LEPR: variants seen among roughly 807,000 people sequenced by gnomAD.
LEPR encodes the protein leptin receptor, also known as OB receptor.
In LEPR, 56 loss-of-function variants were observed where a neutral mutation model predicts 114.7. The ratio of observed to expected loss-of-function variants is 0.49; its 90% CI spans 0.39 to 0.61. The LOEUF is 0.61. LEPR is among the 20% of genes least tolerant of loss of function. The pLI is 0.00. For synonymous variants in LEPR, 443 were observed against 461.4 expected, an observed-to-expected ratio of 0.96 and a Z score of 0.51; for missense variants, 1,202 against 1,352.9, an observed-to-expected ratio of 0.89 and a Z score of 1.75.
intron 3 of LEPR, among the ~76,000 whole-genome samples, chr1:65,568,307 A>G (rs1459429123): frequency 2.0e-5 from 3 of 151,864 alleles, no homozygotes; most frequent in Non-Finnish European, 4.4e-5. Flanking sequence ...TTACATGGAT[A>G]TGTTGCGTAG....
intron 2 of LEPR, chr1:65,525,753 G>T (rs1280062978): frequency 6.1e-6 from 6 of 986,084 alleles, no homozygotes; most frequent in Non-Finnish European, 7.2e-6. Flanking sequence ...CGCGCGCGAC[G>T]CAGGTGCCCG....
chr1:65,572,264 G>C, intron 4 of LEPR, 62 bp from the exon 5 acceptor site: 1 of 1,433,680 alleles, frequency 7.0e-7, no homozygotes, highest in Non-Finnish European at 9.1e-7. Flanking sequence ...GAGTTGTTCA[G>C]ATGGTTTTTG....
chr1:65,556,126 C>G (rs956149426), intron 2 of LEPR, among the ~76,000 whole-genome samples: 6 of 152,084 alleles, frequency 3.9e-5, no homozygotes. Context: ...GAGGCTGCAG[C>G]GGAGCTTGTT....
intron 5 of LEPR, among the ~76,000 whole-genome samples, chr1:65,579,994 A>G (rs539478077): frequency 2.6e-4 from 39 of 152,294 alleles, no homozygotes; most frequent in African/African-American, 9.4e-4. Flanking sequence ...TTACAAGATG[A>G]TTTTTAATTT....
chr1:65,420,849 C>T, intron 1 of LEPR, 109 bp downstream of exon 1: 1 of 1,322,160 alleles, frequency 7.6e-7, no homozygotes, highest in South Asian at 1.3e-5. Flanking sequence ...GCCTCACCAC[C>T]CTTCCCGCCT....
intron 1 of LEPR, among the ~76,000 whole-genome samples, chr1:65,423,970 T>A (rs1646306029): frequency 1.3e-5 from 2 of 152,238 alleles, no homozygotes; most frequent in Non-Finnish European, 2.9e-5. Context: ...TCTCATTTAA[T>A]TCCCATAAGC....
In LEPR at chr1:65,581,361, T is replaced by C. The variant is rs189389815; in HGVS notation, c.494+8912T>C. Among the ~76,000 whole-genome samples the C allele has an allele frequency of 7.2e-5, 11 of 152,240 alleles. No homozygotes were observed. In the East Asian group the frequency reaches 2.1e-3, roughly 29 times the overall value. ...CCAGGTTCTGGCCTGAGTAACCCTC[T>C]CTTCTTCATGAAAAGCAGCCCATAT... On this transcript the variant is annotated intron_variant, in intron 5 of 19. Coordinates refer to ENST00000349533, the MANE Select transcript of LEPR (RefSeq NM_002303.6).
At chr1:65,508,469 T>C (rs1294629814) in intron 2 of LEPR, among the ~76,000 whole-genome samples, 1 of 152,190 alleles carries the variant, frequency 6.6e-6, no homozygotes, top group East Asian at 1.9e-4. Context: ...GTGTGCTTGG[T>C]ATCTTTGTCA....
intron 2 of LEPR, among the ~76,000 whole-genome samples, chr1:65,557,842 G>T (rs542599250): frequency 1.3e-5 from 2 of 152,158 alleles, no homozygotes; most frequent in African/African-American, 2.4e-5. Context: ...CTTCAAGGTT[G>T]TGTCTATGTC....
chr1:65,447,465 T>C (rs1246869584), intron 2 of LEPR, among the ~76,000 whole-genome samples: 2 of 152,098 alleles, frequency 1.3e-5, no homozygotes, highest in Non-Finnish European at 2.9e-5. Context: ...GTACATAATT[T>C]GTTGGATTTA....
chr1:65,434,862 T>C (rs181769435), intron 2 of LEPR: 4 of 985,510 alleles, frequency 4.1e-6, no homozygotes, highest in Admixed American at 6.1e-5. Context: ...GTTCTCTAAG[T>C]ACAGCTGATG....
At chr1:65,428,983 G>T (rs1045016776) in intron 2 of LEPR, among the ~76,000 whole-genome samples, 1 of 151,966 alleles carries the variant, frequency 6.6e-6, no homozygotes, top group Non-Finnish European at 1.5e-5. Context: ...CATGCCTTCC[G>T]TACTTAAAAT....
chr1:65,622,440 C>T (rs1339336757), intron 18 of LEPR, among the ~76,000 whole-genome samples: 1 of 103,796 alleles, frequency 9.6e-6, no homozygotes, highest in South Asian at 2.7e-4. Flanking sequence ...CCATGATACT[C>T]TCTGTGCTGA....
intron 2 of LEPR, among the ~76,000 whole-genome samples, chr1:65,558,437 GC>G (rs1226084547): frequency 7.2e-6 from 1 of 138,938 alleles, no homozygotes; most frequent in African/African-American, 2.7e-5. Flanking sequence ...ATCATGTGGT[GC>G]CAATTCTCAC....
chr1:65,593,097 C>T (rs192005650), intron 6 of LEPR, among the ~76,000 whole-genome samples: 2 of 152,070 alleles, frequency 1.3e-5, no homozygotes, highest in East Asian at 1.9e-4. Flanking sequence ...TCTTTCAATC[C>T]TGGATCTATG....
At chr1:65,428,211 A>G (rs1410445176) in intron 2 of LEPR, among the ~76,000 whole-genome samples, 1 of 152,194 alleles carries the variant, frequency 6.6e-6, no homozygotes, top group African/African-American at 2.4e-5. Context: ...TACATTTTAT[A>G]TATAAACAAG....
chr1:65,472,949 A>G (rs982120940), intron 2 of LEPR, among the ~76,000 whole-genome samples: 1 of 152,232 alleles, frequency 6.6e-6, no homozygotes, highest in East Asian at 1.9e-4. Context: ...GCAGTGCAGT[A>G]TTCCTCTAAG....
intron 5 of LEPR, chr1:65,576,623 A>G (rs545053621): frequency 6.4e-6 from 1 of 155,824 alleles, no homozygotes; most frequent in Admixed American, 6.5e-5. Context: ...AATGATTTGC[A>G]TCCTAACTTC....
In LEPR at chr1:65,633,978, T is replaced by G. The variant is rs1018720447; in HGVS notation, c.2674-2213T>G. ...TGTTTAATTATGACCTAAATCTAAT[T>G]TACTTCCACTGAACCATCCAAGACC... On this transcript the variant is annotated intron_variant, in intron 19 of 19. Transcript: ENST00000349533. This position sits in a 1 kb window ranked among gnomAD's most constrained non-coding sequence, Gnocchi z 4.1. 1 of 984,354 alleles carries G rather than the reference T, an allele frequency of 1.0e-6. No homozygotes were observed. The highest frequency in any genetic ancestry group is 1.7e-5 in the African/African-American group (1 of 57,218). The allele number at this position is 984,354 out of a possible 1,614,324, so 61.0% of individuals were successfully genotyped here. A position where few individuals can be genotyped will look rare whatever the true frequency, so the allele number is the denominator to read the frequency against.
Sources: gnomAD v4.1 joint callset for allele counts (sites outside exome capture counted in the v4.1 genomes callset) on GRCh38, gnomAD v4.1.1 for gene constraint, Gnocchi (gnomAD v3.1) non-coding constraint, MANE v1.5 for transcripts, NCBI Gene and HGNC (gene_info 2026-07-23, HGNC 2026-07-21) for gene names.